Variants in NYNRIN observed in about 807,000 individuals in gnomAD.
NYNRIN encodes the protein protein NYNRIN.
A neutral mutation model predicts 146.6 loss-of-function variants in NYNRIN; 86 were observed. The ratio of observed to expected loss-of-function variants is 0.59; its 90% CI spans 0.49 to 0.70. The LOEUF is 0.70. Among genes scored for constraint, NYNRIN ranks in the 30% least tolerant of loss-of-function variants. NYNRIN has a pLI of 0.00. For synonymous variants in NYNRIN, 1,027 were observed against 1,001.3 expected (o/e 1.03, Z -0.48); for missense variants, 2,191 against 2,377.7 (o/e 0.92, Z 1.63).
At position 24,418,590 on chromosome 14, in the gene NYNRIN, G is replaced by A. The variant is rs985487240; in HGVS notation, c.*1144G>A. 1.3e-4 allele frequency: 23 copies of A among 176,830 alleles called. No homozygotes were observed. Among genetic ancestry groups the A allele is most frequent in the African/African-American group, 2.4e-4 (10 of 41,582 alleles). The allele number at this position is 176,830 out of a possible 1,614,324, so 11.0% of individuals were successfully genotyped here. A position where few individuals can be genotyped will look rare whatever the true frequency, so the allele number is the denominator to read the frequency against. On this transcript the variant is annotated 3_prime_UTR_variant, in exon 9 of 9. Transcript: ENST00000382554. ...GTGAGTTCCTTCCAGGTGTGTGCGC[G>A]TACACTCACCCTCTGAATTGCTGCC...
Position 24,419,169 on chromosome 14 carries a change from A to C in NYNRIN, c.*1723A>C. The C allele has an allele frequency of 6.6e-6, 1 of 150,824 alleles. No individual in the cohort carries two copies. The highest frequency in any genetic ancestry group is 1.5e-5 in the Non-Finnish European group (1 of 67,728). 9.3% of individuals were successfully genotyped at this position (150,824 alleles called of 1,614,324 possible). On this transcript the variant is annotated 3_prime_UTR_variant, in exon 9 of 9. Coordinates refer to ENST00000382554, the MANE Select transcript of NYNRIN (RefSeq NM_025081.3). ...TCTCTGTAATGGTATGTCCAGCCTC[A>C]CTCTCCCTCCCTGGTGCTGTATGCG...
chr14:24,403,532 A>G (rs1214298684), intron 2 of NYNRIN, among the ~76,000 whole-genome samples: 1 of 152,216 alleles, frequency 6.6e-6, no homozygotes, highest in African/African-American at 2.4e-5. Flanking sequence ...AGTTAAAAAG[A>G]TGGTGCAGCA....
Position 24,410,044 on chromosome 14 carries a change from G to A in NYNRIN, c.2250G>A (p.Gly750=). 2 of 1,613,902 alleles carry A rather than the reference G, an allele frequency of 1.2e-6. No individual in the cohort carries two copies. Among genetic ancestry groups the A allele is most frequent in the Non-Finnish European group, 1.7e-6 (2 of 1,179,904 alleles). Residue 750 remains glycine (G), a synonymous_variant, in exon 4 of 9, where the codon GGG becomes GGA. Coordinates refer to ENST00000382554, the MANE Select transcript of NYNRIN (RefSeq NM_025081.3). The part of the protein sequence containing the change: ...QMEGLLGAWE[G]APRQPPRHLQ... ...AGGGGCTCCTGGGGGCTTGGGAGGG[G>A]GCCCCAAGGCAGCCACCTCGCCACC...
chr14:24,418,262 G>C lies in NYNRIN; in HGVS notation c.*816G>C, dbSNP rs183866321. On this transcript the variant is annotated 3_prime_UTR_variant, in exon 9 of 9. Transcript: ENST00000382554. ...GCCAAGTGTGGCATCTCTATCTGAA[G>C]AGCTGCTTCTGTTAGACCCAGGGGC... 1.9e-4 allele frequency: 87 copies of C among 456,562 alleles called. No homozygotes were observed. The highest frequency in any genetic ancestry group is 4.6e-4 in the South Asian group (30 of 64,556). 28.3% of individuals were successfully genotyped at this position (456,562 alleles called of 1,614,324 possible). A position where few individuals can be genotyped will look rare whatever the true frequency, so the allele number is the denominator to read the frequency against.
chr14:24,404,533 CCT>C (rs1305429968), intron 2 of NYNRIN, among the ~76,000 whole-genome samples: 1 of 152,138 alleles, frequency 6.6e-6, no homozygotes, highest in Admixed American at 6.6e-5. Context: ...TATGGTTTGT[CCT>C]CTGTGTTTCA....
intron 1 of NYNRIN, 33 bp downstream of exon 1, chr14:24,399,119 G>A: frequency 1.2e-6 from 1 of 867,016 alleles, no homozygotes; most frequent in Non-Finnish European, 1.7e-6. Context: ...AGGAGGCCGT[G>A]CGGGGGGCGC....
rs867455391 is a variant in NYNRIN, at chr14:24,417,379, C to A, written c.5630C>A (p.Pro1877His). The A allele has an allele frequency of 1.3e-6, 2 of 1,583,346 alleles. No homozygotes were observed. Among genetic ancestry groups the A allele is most frequent in the East Asian group, 2.3e-5 (1 of 43,630 alleles). ...PTPEKLGCIYPSSLMKAFAKS... is the reference protein window; with the variant it reads ...PTPEKLGCIYHSSLMKAFAKS... ...CCAGAGAAGCTGGGGTGCATCTATC[C>A]CAGCAGTCTGATGAAGGCCTTTGCC... Residue 1877 changes from proline to histidine, a missense_variant, in exon 9 of 9, where the codon CCC becomes CAC. Physicochemically the swap from Pro to His is moderately conservative, Grantham distance 77. Coordinates refer to ENST00000382554, the MANE Select transcript of NYNRIN (RefSeq NM_025081.3).
rs757401972 is a variant in NYNRIN at position 24,410,083 on chromosome 14, C to A, written c.2289C>A (p.Ser763Arg). Reference protein sequence around the residue: ...RQPPRHLQANSTVTSFQRYHE... With the variant: ...RQPPRHLQANRTVTSFQRYHE... Reference sequence around the variant, plus strand: ...CACCTCGCCACCTGCAAGCGAACAGCACAGTGACCAGCTTCCAGAGGTACC... The same window carrying A: ...CACCTCGCCACCTGCAAGCGAACAGAACAGTGACCAGCTTCCAGAGGTACC... The change falls in exon 4 of 9, where the codon AGC (serine) becomes AGA (arginine). Residue 763 changes from serine (S) to arginine (R), a missense_variant. By Grantham distance (110) the Ser-to-Arg change is moderately radical. Coordinates refer to ENST00000382554, the MANE Select transcript of NYNRIN (RefSeq NM_025081.3). The A allele has an allele frequency of 6.2e-7, 1 of 1,614,004 alleles. No individual in the cohort carries two copies. Among genetic ancestry groups the A allele is most frequent in the Non-Finnish European group, 8.5e-7 (1 of 1,179,916 alleles).
At chr14:24,414,531 G>A (rs899660653) in intron 8 of NYNRIN, 65 bp from the exon 9 acceptor site, 1 of 1,497,758 alleles carries the variant, frequency 6.7e-7, no homozygotes, top group East Asian at 2.3e-5. Context: ...CCACAGAGGT[G>A]CTTTCCCTTT....
intron 2 of NYNRIN, among the ~76,000 whole-genome samples, chr14:24,404,919 A>G (rs2042866954): frequency 6.6e-6 from 1 of 151,850 alleles, no homozygotes; most frequent in African/African-American, 2.4e-5. Flanking sequence ...ATGCTGATCA[A>G]CCTCGACTCC....
rs1480249817 is a variant in NYNRIN, at chr14:24,417,263, C to G, written c.5514C>G (p.Pro1838=). The G allele has an allele frequency of 1.2e-6, 2 of 1,614,042 alleles. No homozygotes were observed. The highest frequency in any genetic ancestry group is 2.7e-5 in the African/African-American group (2 of 75,066). ...VGDQVLLLSL[P]RNGSSAKWVG... is the part of the protein sequence containing the mutation. ...ACCAGGTCCTTTTGCTGTCCCTCCC[C>G]AGGAATGGCAGCAGTGCCAAATGGG... Residue 1838 remains proline, a synonymous_variant, in exon 9 of 9, where the codon CCC becomes CCG. Coordinates refer to ENST00000382554, the MANE Select transcript of NYNRIN (RefSeq NM_025081.3).
rs372925821 is a variant in NYNRIN at position 24,409,330 on chromosome 14, C to T, written c.1536C>T (p.Pro512=). ...ATTTTAAGGGACTGGAAGAGGGACC[C>T]GCTCCAGTGCTGCCAACAGGGCAAG... The part of the protein sequence containing the change: ...QLDFKGLEEG[P]APVLPTGQGK... Residue 512 remains proline, a synonymous_variant, in exon 4 of 9, where the codon CCC becomes CCT. Transcript: ENST00000382554. 1.4e-5 allele frequency: 22 copies of T among 1,613,892 alleles called. No homozygotes were observed. The highest frequency in any genetic ancestry group is 2.2e-5 in the East Asian group (1 of 44,892).
chr14:24,401,473 G>T (rs2042843194), intron 2 of NYNRIN, among the ~76,000 whole-genome samples: 1 of 152,096 alleles, frequency 6.6e-6, no homozygotes, highest in Non-Finnish European at 1.5e-5. Context: ...GGGGTTAGGG[G>T]ATCTGGGTTT....
intron 2 of NYNRIN, among the ~76,000 whole-genome samples, chr14:24,403,481 T>C (rs570513673): frequency 3.3e-5 from 5 of 152,378 alleles, no homozygotes; most frequent in Non-Finnish European, 7.3e-5. Flanking sequence ...TTGAAACTTT[T>C]TCTTTCTTGG....
chr14:24,408,478 C>A lies in NYNRIN; in HGVS notation c.808C>A (p.Leu270Met). ...RLSSLGATGS[L>M]ITAQSTPQEA... ...ATCTAGCCTGGGAGCCACTGGGTCC[C>A]TGATCACAGCCCAGAGCACACCGCA... is the stretch of plus-strand genomic sequence containing the variant. Residue 270 changes from leucine to methionine, a missense_variant, in exon 3 of 9, where the codon CTG (leucine) becomes ATG (methionine). Around this residue, in one of 3 missense-constraint regions of NYNRIN, gnomAD observed 895 missense variants for 941.2 expected, o/e 0.95. Coordinates refer to ENST00000382554, the MANE Select transcript of NYNRIN (RefSeq NM_025081.3). 6.2e-7 allele frequency: 1 copy of A among 1,608,506 alleles called. No individual in the cohort carries two copies. The highest frequency in any genetic ancestry group is 8.5e-7 in the Non-Finnish European group (1 of 1,176,910).
Position 24,410,035 on chromosome 14 carries a change from T to G in NYNRIN, c.2241T>G (p.Ala747=). The G allele has an allele frequency of 6.2e-7, 1 of 1,613,800 alleles. No homozygotes were observed. Among genetic ancestry groups the G allele is most frequent in the Non-Finnish European group, 8.5e-7 (1 of 1,179,862 alleles). Residue 747 remains alanine, a synonymous_variant, in exon 4 of 9, where the codon GCT becomes GCG. Coordinates refer to ENST00000382554, the MANE Select transcript of NYNRIN (RefSeq NM_025081.3). The part of the protein sequence containing the change: ...HQFQMEGLLG[A]WEGAPRQPPR... ...TTCAGATGGAGGGGCTCCTGGGGGC[T>G]TGGGAGGGGGCCCCAAGGCAGCCAC...
In NYNRIN at chr14:24,415,112, C is replaced by G. The variant is rs1290639834; in HGVS notation, c.3363C>G (p.Leu1121=). 6.2e-7 allele frequency: 1 copy of G among 1,607,400 alleles called. No individual in the cohort carries two copies. The highest frequency in any genetic ancestry group is 8.5e-7 in the Non-Finnish European group (1 of 1,179,608). Residue 1121 remains leucine, a synonymous_variant, in exon 9 of 9, where the codon CTC becomes CTG. Coordinates refer to ENST00000382554, the MANE Select transcript of NYNRIN (RefSeq NM_025081.3). The part of the protein sequence containing the change: ...YEALVGPLHS[L]LKQKPDWQWD... ...CCCTAGTGGGCCCCCTGCACAGCCTCCTCAAGCAGAAGCCTGACTGGCAGT... is the reference window on the plus strand; with the variant it reads ...CCCTAGTGGGCCCCCTGCACAGCCTGCTCAAGCAGAAGCCTGACTGGCAGT...
Position 24,411,486 on chromosome 14 carries a change from G to A in NYNRIN, c.2642+36G>A. On this transcript the variant is annotated intron_variant, in intron 6 of 8. Coordinates refer to ENST00000382554, the MANE Select transcript of NYNRIN (RefSeq NM_025081.3). The surrounding 1 kb of genome is among the most constrained non-coding windows in gnomAD (Gnocchi z 4.3). The stretch of plus-strand genomic sequence containing the variant: ...CCCCAGGCCTGCCCTCCTGGGCTCA[G>A]GGAGTTGGGCCTGGCTGGTGTGTCA... 6.3e-7 allele frequency: 1 copy of A among 1,581,876 alleles called. No homozygotes were observed. Among genetic ancestry groups the A allele is most frequent in the Non-Finnish European group, 8.7e-7 (1 of 1,151,044 alleles).
Position 24,409,243 on chromosome 14 carries a change from G to C in NYNRIN, c.1449G>C (p.Leu483Phe). 1 of 1,613,914 alleles carries C rather than the reference G, an allele frequency of 6.2e-7. No homozygotes were observed. The change falls in exon 4 of 9, where the codon TTG becomes TTC. Residue 483 changes from leucine (L) to phenylalanine (F), a missense_variant. This residue lies in a region of NYNRIN where 895 missense variants were observed against 941.2 expected (regional missense o/e 0.95). Transcript: ENST00000382554. ...ATCTCCCACAGATAGGGCCACCCTT[G>C]ACCTCTACACCCCAACTACAGGCTG... ...SSDLPQIGPP[L>F]TSTPQLQAGG...
Sources: gnomAD v4.1 joint callset for allele counts (sites outside exome capture counted in the v4.1 genomes callset) on GRCh38, gnomAD v4.1.1 for gene constraint, gnomAD v4.1.1 regional missense constraint, Gnocchi (gnomAD v3.1) non-coding constraint, MANE v1.5 for transcripts, NCBI Gene and HGNC (gene_info 2026-07-23, HGNC 2026-07-21) for gene names.